Variants in PGM2L1 observed in about 807,000 individuals in gnomAD.
The protein encoded by PGM2L1 is phosphoglucomutase 2 like 1, also known as glucose 1,6-bisphosphate synthase.
A neutral mutation model predicts 73.4 loss-of-function variants in PGM2L1; 35 were observed. The observed-to-expected ratio is 0.48, with a 90% CI of 0.36 to 0.63. The LOEUF (loss-of-function observed/expected upper bound fraction) is 0.63. Among genes scored for constraint, PGM2L1 ranks in the 30% least tolerant of loss-of-function variants. The pLI, the probability that PGM2L1 is intolerant of heterozygous loss-of-function variation, is 0.00. For missense variants in PGM2L1, 570 were observed against 742.0 expected (o/e 0.77, Z 2.69); for synonymous variants, 225 against 253.8 (o/e 0.89, Z 1.08).
At chr11:74,372,604 A>G (rs1862784822) in intron 2 of PGM2L1, among the ~76,000 whole-genome samples, 1 of 152,218 alleles carries the variant, frequency 6.6e-6, no homozygotes, top group Admixed American at 6.5e-5. Context: ...CCTGAAAAGA[A>G]AGAAACGCAG....
intron 10 of PGM2L1, 37 bp downstream of exon 10, chr11:74,343,283 TATC>T: frequency 6.5e-7 from 1 of 1,534,598 alleles, no homozygotes; most frequent in Non-Finnish European, 8.7e-7. Flanking sequence ...TTTTAAAAAT[TATC>T]AATCAAATTT....
chr11:74,378,039 T>C (rs1862882598), intron 1 of PGM2L1, among the ~76,000 whole-genome samples: 3 of 152,008 alleles, frequency 2.0e-5, no homozygotes, highest in Middle Eastern at 3.2e-3. Context: ...CATTGGCTCA[T>C]GCCTGTAATC....
At chr11:74,343,653 A>G (rs1862217587) in intron 9 of PGM2L1, among the ~76,000 whole-genome samples, 1 of 152,164 alleles carries the variant, frequency 6.6e-6, no homozygotes, top group Non-Finnish European at 1.5e-5. Flanking sequence ...CACCAAATAT[A>G]AACCAGCATT....
At chr11:74,358,400 C>T (rs1258824831) in intron 5 of PGM2L1, among the ~76,000 whole-genome samples, 2 of 152,180 alleles carry the variant, frequency 1.3e-5, no homozygotes, top group African/African-American at 4.8e-5. Flanking sequence ...GATGCTCAAC[C>T]TCACTCATAA....
At chr11:74,346,597 T>A in intron 8 of PGM2L1, 135 bp downstream of exon 8, 1 of 619,314 alleles carries the variant, frequency 1.6e-6, no homozygotes, top group Non-Finnish European at 2.8e-6. Flanking sequence ...CTTAGGTGGT[T>A]ATTTTGGGAT....
intron 1 of PGM2L1, among the ~76,000 whole-genome samples, chr11:74,383,436 C>A (rs952482317): frequency 2.0e-5 from 3 of 151,974 alleles, no homozygotes; most frequent in Non-Finnish European, 4.4e-5. Flanking sequence ...ACAAATTAAC[C>A]CCAAACTCTT....
chr11:74,362,086 C>T (rs1862573641), intron 5 of PGM2L1, among the ~76,000 whole-genome samples: 1 of 152,124 alleles, frequency 6.6e-6, no homozygotes, highest in Non-Finnish European at 1.5e-5. Flanking sequence ...AACTCCAAGA[C>T]ACATAATTGT....
chr11:74,352,973 A>G (rs1183787052), intron 5 of PGM2L1, among the ~76,000 whole-genome samples: 5 of 152,198 alleles, frequency 3.3e-5, no homozygotes, highest in African/African-American at 9.7e-5. Context: ...GCAGAATAGA[A>G]AAAGTCCTGC....
intron 4 of PGM2L1, among the ~76,000 whole-genome samples, chr11:74,370,120 G>A (rs575202420): frequency 2.4e-4 from 36 of 152,056 alleles, no homozygotes; most frequent in Non-Finnish European, 4.9e-4. Flanking sequence ...AAATTACAAT[G>A]TACTAAATAA....
chr11:74,390,489 G>A (rs1400134818), intron 1 of PGM2L1, among the ~76,000 whole-genome samples: 3 of 152,262 alleles, frequency 2.0e-5, no homozygotes, highest in East Asian at 3.9e-4. Flanking sequence ...CCTATTGAAG[G>A]ACATCTTAGC....
intron 3 of PGM2L1, among the ~76,000 whole-genome samples, chr11:74,371,410 A>G (rs532127760): frequency 1.6e-3 from 239 of 152,342 alleles, no homozygotes; most frequent in Admixed American, 3.1e-3. Flanking sequence ...GCATATAATG[A>G]GAATATAAGC....
At position 74,388,335 on chromosome 11, in the gene PGM2L1, TAA is replaced by T. The variant is rs11297590; in HGVS notation, c.111+9714_111+9715del. Among the ~76,000 whole-genome samples the T allele has an allele frequency of 6.6e-5, 10 of 152,132 alleles. No homozygotes were observed. In the East Asian group the frequency reaches 1.2e-3, roughly 18 times the overall value. ...TGTTCTTAATATGATAAAATAAAAT[TAA>T]AAAAAATATAAACCTATACACCTAT... On this transcript the variant is annotated intron_variant, in intron 1 of 13. Coordinates refer to ENST00000298198, the MANE Select transcript of PGM2L1 (RefSeq NM_173582.6).
intron 12 of PGM2L1, among the ~76,000 whole-genome samples, chr11:74,341,878 C>T (rs537487105): frequency 3.9e-5 from 6 of 152,080 alleles, no homozygotes; most frequent in Non-Finnish European, 5.9e-5. Flanking sequence ...GTGAGGAGTT[C>T]GTGGAACCAA....
intron 5 of PGM2L1, among the ~76,000 whole-genome samples, chr11:74,362,835 A>G (rs1213555045): frequency 6.6e-6 from 1 of 152,238 alleles, no homozygotes; most frequent in Non-Finnish European, 1.5e-5. Context: ...TCAACGAGAC[A>G]GAAAGTTAAC....
chr11:74,353,968 A>G (rs894785685), intron 5 of PGM2L1, among the ~76,000 whole-genome samples: 18 of 152,004 alleles, frequency 1.2e-4, no homozygotes, highest in Admixed American at 8.5e-4. Context: ...GATTCTCTCC[A>G]TAAGTCCTGA....
At chr11:74,361,719 GA>G (rs1414289867) in intron 5 of PGM2L1, among the ~76,000 whole-genome samples, 1 of 152,196 alleles carries the variant, frequency 6.6e-6, no homozygotes, top group Non-Finnish European at 1.5e-5. Context: ...TGATGGAGCT[GA>G]AAACCATGTC....
chr11:74,350,861 G>A (rs1465414426), intron 6 of PGM2L1, among the ~76,000 whole-genome samples: 2 of 151,710 alleles, frequency 1.3e-5, no homozygotes, highest in African/African-American at 2.4e-5. Context: ...TGGGTGACAA[G>A]AGCGAGACTC....
intron 5 of PGM2L1, among the ~76,000 whole-genome samples, chr11:74,367,650 T>C (rs1862681666): frequency 6.6e-6 from 1 of 152,224 alleles, no homozygotes; most frequent in Admixed American, 6.5e-5. Flanking sequence ...TTATATGCTC[T>C]AACATGTGTG....
chr11:74,398,170 G>A lies in PGM2L1; in HGVS notation c.-9C>T, dbSNP rs1311811781. The A allele has an allele frequency of 6.2e-7, 1 of 1,606,962 alleles. No individual in the cohort carries two copies. Among genetic ancestry groups the A allele is most frequent in the Non-Finnish European group, 8.5e-7 (1 of 1,176,098 alleles). ...TCTGTGTTTTCAGCCATGGCGACCA[G>A]ACAGGCGTACGGGCCGGGGGCCGGC... On this transcript the variant is annotated 5_prime_UTR_variant, in exon 1 of 14. Coordinates refer to ENST00000298198, the MANE Select transcript of PGM2L1 (RefSeq NM_173582.6).
Sources: gnomAD v4.1 joint callset for allele counts (sites outside exome capture counted in the v4.1 genomes callset) on GRCh38, gnomAD v4.1.1 for gene constraint, MANE v1.5 for transcripts, NCBI Gene and HGNC (gene_info 2026-07-23, HGNC 2026-07-21) for gene names.